The following RPA3 variants were observed in gnomAD, a reference collection of about 807,000 sequenced individuals.
RPA3 encodes replication protein A 14 kDa subunit.
A neutral mutation model predicts 13.7 loss-of-function variants in RPA3; 24 were observed. The observed-to-expected ratio is 1.75, with a 90% CI of 1.27 to 2.46. The LOEUF is 2.46. RPA3 is among the 30% of genes most tolerant of loss of function. The probability of loss-of-function intolerance (pLI) is 0.00; values close to 1 mark genes in which losing one functional copy is unlikely to be tolerated. For missense variants in RPA3, 183 were observed against 151.0 expected (o/e 1.21, Z -1.11); for synonymous variants, 59 against 51.2 (o/e 1.15, Z -0.65).
At chr7:7,686,300 T>TC (rs2115130173) in intron 3 of RPA3, among the ~76,000 whole-genome samples, 1 of 152,304 alleles carries the variant, frequency 6.6e-6, no homozygotes, top group South Asian at 2.1e-4. Flanking sequence ...GGGAAGTGTG[T>TC]CCAGAAACAT....
intron 4 of RPA3, among the ~76,000 whole-genome samples, chr7:7,669,448 A>T (rs773829811): frequency 6.6e-6 from 1 of 152,178 alleles, no homozygotes; most frequent in Non-Finnish European, 1.5e-5. Flanking sequence ...TTTTTATACC[A>T]CTGTGTGTTT....
chr7:7,648,298 T>A (rs2115547534), intron 4 of RPA3, among the ~76,000 whole-genome samples: 1 of 152,272 alleles, frequency 6.6e-6, no homozygotes, highest in East Asian at 1.9e-4. Flanking sequence ...TTTCTCCGCT[T>A]AAGTTTTCTC....
intron 2 of RPA3, among the ~76,000 whole-genome samples, chr7:7,714,532 G>A (rs1583766519): frequency 6.6e-6 from 1 of 152,356 alleles, no homozygotes. Flanking sequence ...AAAAGGAGCT[G>A]TCAATTTAGG....
At chr7:7,675,067 G>A (rs1456791679) in intron 4 of RPA3, among the ~76,000 whole-genome samples, 1 of 151,994 alleles carries the variant, frequency 6.6e-6, no homozygotes, top group Non-Finnish European at 1.5e-5. Context: ...GTCTTGCCAT[G>A]TTGCCCAGGT....
At chr7:7,697,327 C>G (rs1046155128) in intron 2 of RPA3, among the ~76,000 whole-genome samples, 1 of 152,084 alleles carries the variant, frequency 6.6e-6, no homozygotes, top group African/African-American at 2.4e-5. Flanking sequence ...ATATCAGAAT[C>G]CTCTATTCTG....
chr7:7,643,169 A>T (rs1460066138), intron 4 of RPA3, among the ~76,000 whole-genome samples: 1 of 152,202 alleles, frequency 6.6e-6, no homozygotes, highest in African/African-American at 2.4e-5. Flanking sequence ...CTGATGGTCC[A>T]CACCTGTTAT....
chr7:7,664,183 T>C lies in RPA3; in HGVS notation c.-758+21647A>G, dbSNP rs1012886663. On this transcript the variant is annotated intron_variant, in intron 4 of 7. Coordinates refer to ENST00000223129, the MANE Select transcript of RPA3 (RefSeq NM_002947.5). The stretch of plus-strand genomic sequence containing the variant: ...TGAAATGGAATTTACTATTATTTTC[T>C]TCTCTTAAGATAAAGTCCCCTACTT... 4.6e-5 allele frequency among the ~76,000 whole-genome samples: 7 copies of C among 152,346 alleles called. No individual in the cohort carries two copies. The East Asian group carries it at 1.3e-3, about 29-fold the overall frequency.
chr7:7,660,418 A>G (rs141206455), intron 4 of RPA3, among the ~76,000 whole-genome samples: 136 of 152,254 alleles, frequency 8.9e-4, no homozygotes, highest in African/African-American at 3.2e-3. Flanking sequence ...ACAATTTGGT[A>G]TGTTTTTGCA....
intron 4 of RPA3, among the ~76,000 whole-genome samples, chr7:7,676,636 G>A (rs1261180431): frequency 6.6e-6 from 1 of 152,080 alleles, no homozygotes; most frequent in African/African-American, 2.4e-5. Flanking sequence ...TTGTAATACT[G>A]TTCATAAAGT....
intron 4 of RPA3, among the ~76,000 whole-genome samples, chr7:7,649,431 GGTTACCTTTT>G (rs1785171944): frequency 6.6e-6 from 1 of 152,102 alleles, no homozygotes; most frequent in South Asian, 2.1e-4. Context: ...CTCATAACCT[GGTTACCTTTT>G]ATAGGTCCCA....
chr7:7,714,224 C>G (rs1173765254), intron 2 of RPA3, among the ~76,000 whole-genome samples: 2 of 152,222 alleles, frequency 1.3e-5, no homozygotes, highest in Non-Finnish European at 2.9e-5. Context: ...CTGACCTCCA[C>G]TTATATGACT....
chr7:7,673,310 TAGCAGCAGCAGCAGC>T, intron 4 of RPA3: 21,065 of 1,033,354 alleles, frequency 0.02, 264 homozygotes, highest in Middle Eastern at 0.028. Flanking sequence ...CTATTTCAGG[TAGCAGCAGCAGCAGC>T]AGCAGCAGCA....
intron 4 of RPA3, among the ~76,000 whole-genome samples, chr7:7,683,767 C>T (rs1779971219): frequency 1.3e-5 from 2 of 152,140 alleles, no homozygotes; most frequent in South Asian, 4.1e-4. Flanking sequence ...GGATTACAGG[C>T]ATGCACCACC....
chr7:7,670,645 T>C lies in RPA3; in HGVS notation c.-758+15185A>G, dbSNP rs189034931. The stretch of plus-strand genomic sequence containing the variant: ...ATGCTCAAAGTTCAGTGCCTCTGGC[T>C]GATACACAAGAGTCTGTTCATCATG... On this transcript the variant is annotated intron_variant, in intron 4 of 7. Coordinates refer to ENST00000223129, the MANE Select transcript of RPA3 (RefSeq NM_002947.5). Among the ~76,000 whole-genome samples the C allele has an allele frequency of 3.2e-4, 48 of 152,344 alleles. 1 individual carries two copies. Among genetic ancestry groups the C allele is most frequent in the African/African-American group, 1.1e-3 (46 of 41,572 alleles).
At chr7:7,702,117 AGAT>A (rs907868145) in intron 2 of RPA3, among the ~76,000 whole-genome samples, 1 of 152,208 alleles carries the variant, frequency 6.6e-6, no homozygotes, top group African/African-American at 2.4e-5. Flanking sequence ...ATTACTATGT[AGAT>A]GTTTTCTATT....
At chr7:7,673,274 T>C (rs922291131) in intron 4 of RPA3, 16 of 1,103,156 alleles carry the variant, frequency 1.5e-5, no homozygotes, top group Middle Eastern at 1.9e-4. Context: ...TACAGTTGCA[T>C]CTGAATTTGA....
chr7:7,713,946 T>G (rs1780828879), intron 2 of RPA3, among the ~76,000 whole-genome samples: 1 of 152,092 alleles, frequency 6.6e-6, no homozygotes, highest in Admixed American at 6.5e-5. Context: ...GTGATCTTCC[T>G]GCCTTGGCCT....
chr7:7,714,853 C>CTTTTT (rs1029148023), intron 2 of RPA3, among the ~76,000 whole-genome samples: 54 of 111,080 alleles, frequency 4.9e-4, no homozygotes, highest in Non-Finnish European at 7.0e-4. Context: ...AAAAATTTTT[C>CTTTTT]TTTTTTTTTT....
chr7:7,640,620 T>A lies in RPA3; in HGVS notation c.-202A>T. On this transcript the variant is annotated 5_prime_UTR_variant, in exon 5 of 8. Transcript: ENST00000223129. ...AGAAGGGGCTGGATGAGTCCGGAAG[T>A]GGAGATTGGCTGCTTAGTGACGCGC... 3.5e-6 allele frequency: 2 copies of A among 577,422 alleles called. No homozygotes were observed. Among genetic ancestry groups the A allele is most frequent in the South Asian group, 2.1e-5 (1 of 47,496 alleles). The allele number at this position is 577,422 out of a possible 1,614,324, so 35.8% of individuals were successfully genotyped here. A position where few individuals can be genotyped will look rare whatever the true frequency, so the allele number is the denominator to read the frequency against.
Sources: gnomAD v4.1 joint callset for allele counts (sites outside exome capture counted in the v4.1 genomes callset) on GRCh38, gnomAD v4.1.1 for gene constraint, MANE v1.5 for transcripts, NCBI Gene and HGNC (gene_info 2026-07-23, HGNC 2026-07-21) for gene names.